CSE1L: variants seen among roughly 807,000 people sequenced by gnomAD.
CSE1L encodes exportin-2.
CSE1L carries 24 observed loss-of-function variants against 120.4 expected under a neutral mutation model. The observed-to-expected ratio is 0.20, with a 90% CI of 0.14 to 0.28. CSE1L has a LOEUF of 0.28. Among genes scored for constraint, CSE1L ranks in the 10% least tolerant of loss-of-function variants. The pLI, the probability that CSE1L is intolerant of heterozygous loss-of-function variation, is 1.00. For synonymous variants in CSE1L, 402 were observed against 398.3 expected (o/e 1.01, Z -0.11); for missense variants, 830 against 1,145.2 (o/e 0.72, Z 3.97).
intron 16 of CSE1L, among the ~76,000 whole-genome samples, chr20:49,087,806 C>T (rs980939126): frequency 6.6e-6 from 1 of 152,028 alleles, no homozygotes; most frequent in Non-Finnish European, 1.5e-5. Context: ...CAGTATTTCC[C>T]AGCTAAATTT....
chr20:49,089,118 T>G, intron 17 of CSE1L, 129 bp from the exon 18 acceptor site: 1 of 763,452 alleles, frequency 1.3e-6, no homozygotes, highest in Non-Finnish European at 1.9e-6. Flanking sequence ...GAACAAGCAC[T>G]AGGGTATAAT....
At chr20:49,085,468 T>A (rs1724317074) in intron 16 of CSE1L, 82 bp downstream of exon 16, 2 of 893,566 alleles carry the variant, frequency 2.2e-6, no homozygotes, top group East Asian at 5.0e-5. Context: ...TACTTCAGGT[T>A]ATACAGTCTA....
At chr20:49,067,928 CTTTTTTTTTTTTTTTT>C (rs10567768) in intron 6 of CSE1L, among the ~76,000 whole-genome samples, 2 of 78,480 alleles carry the variant, frequency 2.5e-5, no homozygotes, top group Non-Finnish European at 4.5e-5. Flanking sequence ...TTCCCTCTCT[CTTTTTTTTTTTTTTTT>C]TTTTTTTTTG....
intron 24 of CSE1L, chr20:49,096,125 A>G: frequency 1.5e-6 from 1 of 686,716 alleles, no homozygotes. Flanking sequence ...ATTAACCACA[A>G]TACCACTATC....
chr20:49,093,777 C>T (rs913039647), intron 22 of CSE1L, among the ~76,000 whole-genome samples: 3 of 151,600 alleles, frequency 2.0e-5, no homozygotes, highest in Non-Finnish European at 2.9e-5. Flanking sequence ...ATTTGCCGGG[C>T]GTGGTGGTGG....
Position 49,084,040 on chromosome 20 carries a change from T to A in CSE1L, c.1497T>A (p.His499Gln), listed in dbSNP as rs768179934. The A allele has an allele frequency of 6.2e-7, 1 of 1,613,696 alleles. No homozygotes were observed. Among genetic ancestry groups the A allele is most frequent in the East Asian group, 2.2e-5 (1 of 44,864 alleles). Residue 499 changes from histidine to glutamine, a missense_variant, in exon 15 of 25, where the codon CAT (histidine) becomes CAA (glutamine). Around this residue, in one of 4 missense-constraint regions of CSE1L, gnomAD observed 543 missense variants for 640.2 expected, o/e 0.85. Coordinates refer to ENST00000262982, the MANE Select transcript of CSE1L (RefSeq NM_001316.4). Reference sequence around the variant, plus strand: ...GTGTTTTTTAGGTGCCAAAAGAACATCTTTTAGTCTCGATTCCTCTCTTGA... The same window carrying A: ...GTGTTTTTTAGGTGCCAAAAGAACAACTTTTAGTCTCGATTCCTCTCTTGA... ...MIFRNQVPKE[H>Q]LLVSIPLLIN...
At chr20:49,061,851 G>A (rs899895684) in intron 2 of CSE1L, among the ~76,000 whole-genome samples, 1 of 152,032 alleles carries the variant, frequency 6.6e-6, no homozygotes, top group Non-Finnish European at 1.5e-5. Flanking sequence ...GTTGCTTTAT[G>A]TATTCAGGAC....
chr20:49,096,539 T>G lies in CSE1L; in HGVS notation c.*101T>G. ...ACAAAGGAAGTTCTCCTTTTGAACT[T>G]GTCACGAATTCCATCTTGTAAAGGA... is the stretch of plus-strand genomic sequence containing the variant. On this transcript the variant is annotated 3_prime_UTR_variant, in exon 25 of 25. Transcript: ENST00000262982. 1.2e-6 allele frequency: 1 copy of G among 851,328 alleles called. No individual in the cohort carries two copies. The highest frequency in any genetic ancestry group is 2.6e-5 in the East Asian group (1 of 39,212). The allele number at this position is 851,328 out of a possible 1,614,324, so 52.7% of individuals were successfully genotyped here. A position where few individuals can be genotyped will look rare whatever the true frequency, so the allele number is the denominator to read the frequency against.
chr20:49,058,029 C>G (rs1004241143), intron 1 of CSE1L, among the ~76,000 whole-genome samples: 2 of 152,164 alleles, frequency 1.3e-5, no homozygotes, highest in Non-Finnish European at 2.9e-5. Context: ...CCTCAGCCTC[C>G]CAAAGTGTCG....
At chr20:49,057,821 G>A (rs1228232982) in intron 1 of CSE1L, among the ~76,000 whole-genome samples, 3 of 152,022 alleles carry the variant, frequency 2.0e-5, no homozygotes, top group Non-Finnish European at 2.9e-5. Context: ...TAGTAGAGAC[G>A]GGATTTTACC....
At position 49,074,818 on chromosome 20, in the gene CSE1L, A is replaced by G; in HGVS notation, c.1100A>G (p.Glu367Gly). 6.2e-7 allele frequency: 1 copy of G among 1,613,030 alleles called. No individual in the cohort carries two copies. Among genetic ancestry groups the G allele is most frequent in the Non-Finnish European group, 8.5e-7 (1 of 1,179,618 alleles). ...ADEEAFEDNSEEYIRRDLEGS... is the reference protein window; with the variant it reads ...ADEEAFEDNSGEYIRRDLEGS... ...GAAGAAGCATTTGAAGATAATTCTG[A>G]GGAGTACATAAGGAGAGATTTGGAA... is the stretch of plus-strand genomic sequence containing the variant. The change falls in exon 11 of 25, where the codon GAG becomes GGG. Residue 367 changes from glutamate (E) to glycine (G), a missense_variant. Physicochemically the swap from Glu to Gly is moderately conservative, Grantham distance 98. This residue lies in a region of CSE1L where 543 missense variants were observed against 640.2 expected (regional missense o/e 0.85). Transcript: ENST00000262982.
chr20:49,090,488 A>C (rs946152631), intron 19 of CSE1L, among the ~76,000 whole-genome samples: 1 of 152,060 alleles, frequency 6.6e-6, no homozygotes, highest in Non-Finnish European at 1.5e-5. Flanking sequence ...CCTGGGAAGC[A>C]GAGGTTGCAG....
chr20:49,077,084 C>T lies in CSE1L; in HGVS notation c.1420+20C>T. The stretch of plus-strand genomic sequence containing the variant: ...CTAATGGTGAGTTGTGAAATTCTTG[C>T]TTTTTTTACAGCTTGCCACACTATA... On this transcript the variant is annotated intron_variant, in intron 13 of 24. Coordinates refer to ENST00000262982, the MANE Select transcript of CSE1L (RefSeq NM_001316.4). 6.6e-7 allele frequency: 1 copy of T among 1,516,118 alleles called. No individual in the cohort carries two copies. Among genetic ancestry groups the T allele is most frequent in the Non-Finnish European group, 9.0e-7 (1 of 1,106,388 alleles). The allele number at this position is 1,516,118 out of a possible 1,614,324, so 93.9% of individuals were successfully genotyped here.
At chr20:49,055,148 G>A (rs923201148) in intron 1 of CSE1L, among the ~76,000 whole-genome samples, 1 of 152,172 alleles carries the variant, frequency 6.6e-6, no homozygotes, top group Non-Finnish European at 1.5e-5. Flanking sequence ...GTAATCAAAC[G>A]TATTGATATT....
chr20:49,067,890 C>T (rs1726378462), intron 6 of CSE1L, among the ~76,000 whole-genome samples: 1 of 150,194 alleles, frequency 6.7e-6, no homozygotes, highest in African/African-American at 2.4e-5. Flanking sequence ...TGCACACTAC[C>T]ATGCCTGGCT....
At chr20:49,051,724 G>A (rs1344845883) in intron 1 of CSE1L, among the ~76,000 whole-genome samples, 2 of 152,210 alleles carry the variant, frequency 1.3e-5, no homozygotes, top group Non-Finnish European at 2.9e-5. Context: ...CAGAGACAGA[G>A]TCTTACTCTG....
intron 24 of CSE1L, 101 bp from the exon 25 acceptor site, chr20:49,096,248 C>A (rs1737933517): frequency 1.1e-6 from 1 of 915,042 alleles, no homozygotes; most frequent in African/African-American, 1.6e-5. Flanking sequence ...ACTTGACTGG[C>A]TGCTCTTCCC....
chr20:49,081,980 T>A (rs1322787601), intron 14 of CSE1L, among the ~76,000 whole-genome samples: 1 of 152,190 alleles, frequency 6.6e-6, no homozygotes, highest in Non-Finnish European at 1.5e-5. Context: ...TTTCTCTCTA[T>A]AGGTAATTAC....
chr20:49,049,825 TC>T (rs1260868906), intron 1 of CSE1L, among the ~76,000 whole-genome samples: 4 of 152,204 alleles, frequency 2.6e-5, no homozygotes, highest in Admixed American at 1.3e-4. Context: ...GCTCAGGAGT[TC>T]CAGACCAGCC....
Sources: gnomAD v4.1 joint callset for allele counts (sites outside exome capture counted in the v4.1 genomes callset) on GRCh38, gnomAD v4.1.1 for gene constraint, gnomAD v4.1.1 regional missense constraint, MANE v1.5 for transcripts, NCBI Gene and HGNC (gene_info 2026-07-23, HGNC 2026-07-21) for gene names.